Variants in ABCC2 observed in about 807,000 individuals in gnomAD.
ABCC2 encodes the protein ATP-binding cassette sub-family C member 2.
ABCC2 carries 157 observed loss-of-function variants against 173.4 expected under a neutral mutation model. That is an observed-to-expected ratio of 0.91 (90% CI 0.80 to 1.03). The LOEUF is 1.03. Ranked by LOEUF, ABCC2 falls within the 50% of genes least tolerant of loss-of-function variation. ABCC2 has a pLI of 0.00. For missense variants in ABCC2, 1,822 were observed against 1,852.3 expected (o/e 0.98, Z 0.30); for synonymous variants, 657 against 693.5 (o/e 0.95, Z 0.83).
At chr10:99,814,682 C>CATGTGTATAT (rs1157237609) in intron 16 of ABCC2, among the ~76,000 whole-genome samples, 2 of 123,472 alleles carry the variant, frequency 1.6e-5, no homozygotes, top group African/African-American at 3.0e-5. Context: ...CATATACACA[C>CATGTGTATAT]ACGTGTATAT....
intron 2 of ABCC2, among the ~76,000 whole-genome samples, chr10:99,786,044 G>A (rs1407801842): frequency 6.6e-6 from 1 of 152,164 alleles, no homozygotes; most frequent in East Asian, 1.9e-4. Flanking sequence ...CAGTGTCACT[G>A]TCTCCCTTGT....
At chr10:99,802,767 T>C (rs2038033843) in intron 9 of ABCC2, among the ~76,000 whole-genome samples, 1 of 152,150 alleles carries the variant, frequency 6.6e-6, no homozygotes, top group Non-Finnish European at 1.5e-5. Context: ...AAAGATGCAG[T>C]CTACTCCAGA....
chr10:99,822,309 C>T (rs1046560003), intron 19 of ABCC2, among the ~76,000 whole-genome samples: 4 of 151,862 alleles, frequency 2.6e-5, no homozygotes, highest in Admixed American at 6.6e-5. Context: ...TAGCTAACTG[C>T]GTCAGCTTCT....
At chr10:99,842,875 C>G (rs1290073854) in intron 26 of ABCC2, among the ~76,000 whole-genome samples, 1 of 151,936 alleles carries the variant, frequency 6.6e-6, no homozygotes, top group East Asian at 1.9e-4. Context: ...CATGGTGAAA[C>G]CCCATCTCTA....
intron 10 of ABCC2, among the ~76,000 whole-genome samples, 168 bp downstream of exon 10, chr10:99,804,441 A>G (rs1383827147): frequency 7.2e-5 from 11 of 152,046 alleles, no homozygotes; most frequent in Non-Finnish European, 1.6e-4. Context: ...TCATCTTCTG[A>G]TGACTCTTAG....
intron 9 of ABCC2, among the ~76,000 whole-genome samples, chr10:99,803,207 G>A (rs1300920099): frequency 6.6e-6 from 1 of 152,200 alleles, no homozygotes; most frequent in African/African-American, 2.4e-5. Context: ...GACCTCAGGT[G>A]ATCTGCCTGC....
In ABCC2 at chr10:99,832,083, A is replaced by G. The variant is rs1564695853; in HGVS notation, c.3210A>G (p.Arg1070=). ...LLNNILRAPM[R]FFDTTPTGRI... ...ACAATATCCTTCGAGCACCTATGAGATTTTTTGACACAACACCCACAGGCC... is the reference window on the plus strand; with the variant it reads ...ACAATATCCTTCGAGCACCTATGAGGTTTTTTGACACAACACCCACAGGCC... The change falls in exon 23 of 32, where the codon AGA becomes AGG. Residue 1070 remains arginine (R), a synonymous_variant. Coordinates refer to ENST00000647814, the MANE Select transcript of ABCC2 (RefSeq NM_000392.5). 18 of 1,614,142 alleles carry G rather than the reference A, an allele frequency of 1.1e-5. No individual in the cohort carries two copies. Among genetic ancestry groups the G allele is most frequent in the Non-Finnish European group, 1.5e-5 (18 of 1,180,028 alleles).
intron 7 of ABCC2, among the ~76,000 whole-genome samples, chr10:99,798,386 G>T (rs2037957638): frequency 1.3e-5 from 2 of 152,156 alleles, no homozygotes; most frequent in South Asian, 2.1e-4. Context: ...ATAGACAGAG[G>T]CTGGTGACTG....
chr10:99,811,677 A>ATTAC, intron 15 of ABCC2, 75 bp downstream of exon 15: 3 of 1,502,264 alleles, frequency 2.0e-6, no homozygotes, highest in Non-Finnish European at 2.8e-6. Flanking sequence ...AATTCCATGT[A>ATTAC]ATAGAATGCA....
chr10:99,818,702 C>T, intron 17 of ABCC2, 88 bp from the exon 18 acceptor site: 1 of 1,483,212 alleles, frequency 6.7e-7, no homozygotes, highest in Non-Finnish European at 9.4e-7. Context: ...CTTATTGAGA[C>T]AAATTTCTTC....
chr10:99,810,286 A>G lies in ABCC2; in HGVS notation c.1900+68A>G, dbSNP rs546178761. 6 of 1,234,708 alleles carry G rather than the reference A, an allele frequency of 4.9e-6. No individual in the cohort carries two copies. In the African/African-American group the frequency reaches 5.9e-5, roughly 12 times the overall value. 76.5% of individuals were successfully genotyped at this position (1,234,708 alleles called of 1,614,324 possible). A position where few individuals can be genotyped will look rare whatever the true frequency, so the allele number is the denominator to read the frequency against. On this transcript the variant is annotated intron_variant, in intron 14 of 31. Coordinates refer to ENST00000647814, the MANE Select transcript of ABCC2 (RefSeq NM_000392.5). ...CTGGTGCCAGAATTTTGATAATACA[A>G]GAGCTTAGTAGCAGCAAACTGAGAG...
At chr10:99,823,089 G>A (rs1373795329) in intron 19 of ABCC2, among the ~76,000 whole-genome samples, 1 of 152,130 alleles carries the variant, frequency 6.6e-6, no homozygotes, top group Non-Finnish European at 1.5e-5. Flanking sequence ...AGGTACATGC[G>A]TGACATCCAT....
chr10:99,850,345 C>T (rs573276751), intron 30 of ABCC2, among the ~76,000 whole-genome samples: 43 of 152,170 alleles, frequency 2.8e-4, no homozygotes, highest in Non-Finnish European at 5.6e-4. Flanking sequence ...GGCTCCTGCC[C>T]GCTCTGATTG....
intron 2 of ABCC2, among the ~76,000 whole-genome samples, 163 bp downstream of exon 2, chr10:99,784,944 A>G (rs796180355): frequency 1.9e-4 from 29 of 152,258 alleles, no homozygotes; most frequent in African/African-American, 6.7e-4. Flanking sequence ...CCCTTGCTGC[A>G]TTTCTTAAAT....
intron 6 of ABCC2, among the ~76,000 whole-genome samples, chr10:99,795,608 A>C (rs1320840144): frequency 6.6e-6 from 1 of 151,930 alleles, no homozygotes; most frequent in Admixed American, 6.6e-5. Flanking sequence ...CTGAGACAGA[A>C]GAATTGCTTG....
At chr10:99,826,404 G>A (rs199670094) in intron 19 of ABCC2, among the ~76,000 whole-genome samples, 241 of 139,030 alleles carry the variant, frequency 1.7e-3, no homozygotes, top group African/African-American at 3.6e-3. Flanking sequence ...GACCTTACGG[G>A]CTTTTTCATT....
intron 1 of ABCC2, 52 bp from the exon 2 acceptor site, chr10:99,784,556 T>A (rs759292136): frequency 3.7e-6 from 6 of 1,602,694 alleles, no homozygotes; most frequent in Non-Finnish European, 5.1e-6. Flanking sequence ...GCAGGGTGGT[T>A]TTCTGTCTTC....
chr10:99,836,374 C>T, intron 25 of ABCC2, 84 bp downstream of exon 25: 2 of 1,393,246 alleles, frequency 1.4e-6, no homozygotes, highest in Non-Finnish European at 2.0e-6. Context: ...GCAGGCATGG[C>T]TAGTGGTGTG....
chr10:99,819,010 G>A, intron 18 of ABCC2, 53 bp downstream of exon 18: 1 of 1,610,864 alleles, frequency 6.2e-7, no homozygotes, highest in Non-Finnish European at 8.5e-7. Context: ...GGAGGGAGAG[G>A]GGAGGACATG....
Sources: gnomAD v4.1 joint callset for allele counts (sites outside exome capture counted in the v4.1 genomes callset) on GRCh38, gnomAD v4.1.1 for gene constraint, MANE v1.5 for transcripts, NCBI Gene and HGNC (gene_info 2026-07-23, HGNC 2026-07-21) for gene names.